Variants in TRMT1L observed in about 807,000 individuals in gnomAD.
The protein encoded by TRMT1L is tRNA (guanine(27)-N(2))-dimethyltransferase.
TRMT1L carries 28 observed loss-of-function variants against 81.6 expected under a neutral mutation model. The ratio of observed to expected loss-of-function variants is 0.34; its 90% CI spans 0.25 to 0.47. The LOEUF is 0.47. TRMT1L is among the 20% of genes least tolerant of loss of function. The pLI, the probability that TRMT1L is intolerant of heterozygous loss-of-function variation, is 1.00. For missense variants in TRMT1L, 739 were observed against 877.1 expected (o/e 0.84, Z 1.99); for synonymous variants, 301 against 303.2 (o/e 0.99, Z 0.07).
intron 7 of TRMT1L, among the ~76,000 whole-genome samples, chr1:185,140,794 C>T (rs1653016747): frequency 6.6e-6 from 1 of 151,470 alleles, no homozygotes; most frequent in Admixed American, 6.6e-5. Context: ...GCTTGGGCAA[C>T]ATAGCAAATC....
At chr1:185,137,934 G>T in intron 9 of TRMT1L, 138 bp from the exon 10 acceptor site, 3 of 709,112 alleles carry the variant, frequency 4.2e-6, no homozygotes, top group Non-Finnish European at 6.6e-6. Flanking sequence ...CAGTAGCAGT[G>T]CTTTTAAAAG....
intron 2 of TRMT1L, among the ~76,000 whole-genome samples, chr1:185,150,857 G>A (rs1653325270): frequency 6.6e-6 from 1 of 152,172 alleles, no homozygotes; most frequent in Non-Finnish European, 1.5e-5. Context: ...CTCCCAAAAG[G>A]ACAGGGATTG....
rs1652995509 is a variant in TRMT1L, at chr1:185,140,042, T to G, written c.1040A>C (p.Asn347Thr). The change falls in exon 8 of 15, where the codon AAT becomes ACT. Residue 347 changes from asparagine to threonine, a missense_variant. This residue lies in a region of TRMT1L where 331 missense variants were observed against 462.2 expected (regional missense o/e 0.72). Coordinates refer to ENST00000367506, the MANE Select transcript of TRMT1L (RefSeq NM_030934.5). ...TTTGGTCACCTTAATATTACCAAGA[T>G]TTTTCTCTCCTTCTTCAAGAATATC... ...SDDILEEGEK[N>T]LGNIKVTKMD... 1 of 1,613,770 alleles carries G rather than the reference T, an allele frequency of 6.2e-7. No individual in the cohort carries two copies. Among genetic ancestry groups the G allele is most frequent in the Non-Finnish European group, 8.5e-7 (1 of 1,179,820 alleles).
At position 185,156,842 on chromosome 1, in the gene TRMT1L, G is replaced by A; in HGVS notation, c.-130C>T. 7.9e-7 allele frequency: 1 copy of A among 1,264,452 alleles called. No homozygotes were observed. The allele number at this position is 1,264,452 out of a possible 1,614,324, so 78.3% of individuals were successfully genotyped here. A position where few individuals can be genotyped will look rare whatever the true frequency, so the allele number is the denominator to read the frequency against. On this transcript the variant is annotated 5_prime_UTR_variant, in exon 1 of 15. It adds an upstream start codon to the 5' untranslated region. Transcript: ENST00000367506. ...GAAGCAAGTGGGGAGGGCGGGATGCGTGCAACAGACAAAAGATGAAGAACC... is the reference window on the plus strand; with the variant it reads ...GAAGCAAGTGGGGAGGGCGGGATGCATGCAACAGACAAAAGATGAAGAACC...
Position 185,140,220 on chromosome 1 carries a change from T to C in TRMT1L, c.862A>G (p.Ile288Val), listed in dbSNP as rs562672448. 11 of 1,597,628 alleles carry C rather than the reference T, an allele frequency of 6.9e-6. No homozygotes were observed. The highest frequency in any genetic ancestry group is 6.7e-5 in the African/African-American group (5 of 74,284). The change falls in exon 8 of 15, where the codon ATA becomes GTA. Residue 288 changes from isoleucine to valine, a missense_variant and splice_region_variant. This residue lies in a region of TRMT1L where 331 missense variants were observed against 462.2 expected (regional missense o/e 0.72). Transcript: ENST00000367506. ...ECLDAFGATG[I>V]MGLQWAKHLG... ...TGTTTTGCCCACTGTAATCCCATTATCCCTTAGGAAAAATGGGAAGAAAAT... is the reference window on the plus strand; with the variant it reads ...TGTTTTGCCCACTGTAATCCCATTACCCCTTAGGAAAAATGGGAAGAAAAT...
At chr1:185,129,389 G>A (rs938718031) in intron 10 of TRMT1L, among the ~76,000 whole-genome samples, 1 of 152,070 alleles carries the variant, frequency 6.6e-6, no homozygotes, top group Non-Finnish European at 1.5e-5. Context: ...ATCTAATTTG[G>A]TTTAAAAAGC....
chr1:185,144,763 C>T (rs1653144908), intron 5 of TRMT1L, among the ~76,000 whole-genome samples: 1 of 151,842 alleles, frequency 6.6e-6, no homozygotes, highest in South Asian at 2.1e-4. Context: ...TTCTAAAATG[C>T]AAAATAATAG....
intron 9 of TRMT1L, 93 bp from the exon 10 acceptor site, chr1:185,137,889 G>C: frequency 8.1e-7 from 1 of 1,237,234 alleles, no homozygotes; most frequent in Non-Finnish European, 1.1e-6. Context: ...GTATACTATG[G>C]ATAAGTTATG....
chr1:185,150,501 G>A lies in TRMT1L; in HGVS notation c.347-9C>T. Reference sequence around the variant, plus strand: ...ACAAGCCTGTCTGTTGCCTTAAAAAGAAAAAAGAATCAATAAACAACAGAA... The same window carrying A: ...ACAAGCCTGTCTGTTGCCTTAAAAAAAAAAAAGAATCAATAAACAACAGAA... On this transcript the variant is annotated splice_polypyrimidine_tract_variant and intron_variant, in intron 2 of 14. Transcript: ENST00000367506. 1.3e-6 allele frequency: 2 copies of A among 1,585,984 alleles called. No homozygotes were observed. The highest frequency in any genetic ancestry group is 1.3e-5 in the African/African-American group (1 of 74,286).
intron 2 of TRMT1L, among the ~76,000 whole-genome samples, chr1:185,150,865 T>C (rs1174341407): frequency 2.0e-5 from 3 of 152,148 alleles, no homozygotes; most frequent in Admixed American, 1.3e-4. Flanking sequence ...AGGACAGGGA[T>C]TGGACAAAGA....
chr1:185,128,839 T>C (rs951255128), intron 10 of TRMT1L, 92 bp from the exon 11 acceptor site: 6 of 1,097,782 alleles, frequency 5.5e-6, no homozygotes, highest in African/African-American at 1.6e-5. Flanking sequence ...GCAGCTACTA[T>C]ATACTGAGGA....
At chr1:185,150,054 T>C (rs1462586008) in intron 3 of TRMT1L, among the ~76,000 whole-genome samples, 2 of 152,184 alleles carry the variant, frequency 1.3e-5, no homozygotes, top group African/African-American at 4.8e-5. Context: ...TTTTACTACA[T>C]GTACTATACC....
intron 3 of TRMT1L, among the ~76,000 whole-genome samples, chr1:185,149,214 CTCTTT>C (rs1486507657): frequency 2.0e-5 from 3 of 151,882 alleles, no homozygotes; most frequent in African/African-American, 7.3e-5. Context: ...ATTCAATCAT[CTCTTT>C]TAATTCCAAG....
intron 7 of TRMT1L, among the ~76,000 whole-genome samples, chr1:185,143,040 A>G (rs1163130806): frequency 1.3e-5 from 2 of 152,124 alleles, no homozygotes; most frequent in Non-Finnish European, 2.9e-5. Context: ...TAGAGATCCA[A>G]CTGAAATACT....
At chr1:185,121,763 G>T (rs1652504966) in intron 13 of TRMT1L, among the ~76,000 whole-genome samples, 1 of 151,828 alleles carries the variant, frequency 6.6e-6, no homozygotes, top group Admixed American at 6.6e-5. Flanking sequence ...TTTTGGCCTG[G>T]TAATTTCTTC....
At chr1:185,130,051 G>C (rs150042768) in intron 10 of TRMT1L, among the ~76,000 whole-genome samples, 4 of 152,302 alleles carry the variant, frequency 2.6e-5, no homozygotes, top group Non-Finnish European at 4.4e-5. Flanking sequence ...TTGATGCACT[G>C]TGCAAAATAA....
At chr1:185,152,035 G>A (rs1445924385) in intron 1 of TRMT1L, 100 bp from the exon 2 acceptor site, 1 of 594,128 alleles carries the variant, frequency 1.7e-6, no homozygotes, top group Non-Finnish European at 2.7e-6. Context: ...ATAACACAGT[G>A]TTATGGACCT....
intron 13 of TRMT1L, 71 bp downstream of exon 13, chr1:185,123,786 C>T: frequency 3.3e-6 from 3 of 919,530 alleles, no homozygotes. Context: ...AATCTCTTCT[C>T]TTCCTACCCT....
Position 185,133,663 on chromosome 1 carries a change from C to T in TRMT1L, c.1513+3943G>A, listed in dbSNP as rs369379378. ...CCCAGGCTGGAGTGCAGTGGTGTAA[C>T]CATAGCTCACTGCAGCCTTGAACTA... is the stretch of plus-strand genomic sequence containing the variant. On this transcript the variant is annotated intron_variant, in intron 10 of 14. Transcript: ENST00000367506. 2.8e-4 allele frequency among the ~76,000 whole-genome samples: 42 copies of T among 149,676 alleles called. 1 individual carries two copies. In the East Asian group the frequency reaches 4.8e-3, roughly 17 times the overall value.
Sources: allele counts gnomAD v4.1 joint callset (sites outside exome capture counted in the v4.1 genomes callset), GRCh38; gene constraint gnomAD v4.1.1; regional missense constraint gnomAD v4.1.1; transcripts MANE v1.5; gene names NCBI Gene and HGNC (gene_info 2026-07-23, HGNC 2026-07-21).